Variants in PDE7A observed in about 807,000 individuals in gnomAD.
The protein encoded by PDE7A is high affinity 3',5'-cyclic-AMP phosphodiesterase 7A.
A neutral mutation model predicts 64.3 loss-of-function variants in PDE7A; 39 were observed. The ratio of observed to expected loss-of-function variants is 0.61; its 90% CI spans 0.47 to 0.79. The LOEUF (loss-of-function observed/expected upper bound fraction) is 0.79, where lower values mean the gene tolerates loss of function less well. Among genes scored for constraint, PDE7A ranks in the 30% least tolerant of loss-of-function variants. PDE7A has a pLI of 0.00. For missense variants in PDE7A, 470 were observed against 582.8 expected, an observed-to-expected ratio of 0.81 and a Z score of 1.99; for synonymous variants, 203 against 206.8, an observed-to-expected ratio of 0.98 and a Z score of 0.16.
At chr8:65,828,772 T>C (rs536382483) in intron 1 of PDE7A, among the ~76,000 whole-genome samples, 2 of 152,218 alleles carry the variant, frequency 1.3e-5, no homozygotes, top group South Asian at 2.1e-4. Flanking sequence ...TTCACCAATA[T>C]GAAAGTACTC....
chr8:65,747,833 A>G, intron 3 of PDE7A, 30 bp from the exon 4 acceptor site: 1 of 1,523,932 alleles, frequency 6.6e-7, no homozygotes, highest in Non-Finnish European at 9.0e-7. Context: ...AGGTAAGTAT[A>G]GCAAGTTAAA....
At chr8:65,759,404 C>G (rs1035938225) in intron 3 of PDE7A, among the ~76,000 whole-genome samples, 1 of 152,212 alleles carries the variant, frequency 6.6e-6, no homozygotes, top group African/African-American at 2.4e-5. Flanking sequence ...ACGAGAACAC[C>G]AAGGTCCCCA....
intron 3 of PDE7A, among the ~76,000 whole-genome samples, chr8:65,769,623 C>A (rs1585900653): frequency 1.3e-5 from 2 of 152,024 alleles, no homozygotes; most frequent in South Asian, 4.2e-4. Flanking sequence ...AGACTGGGTG[C>A]GGTAGCTCAT....
intron 3 of PDE7A, among the ~76,000 whole-genome samples, chr8:65,760,218 C>T (rs185174664): frequency 6.6e-6 from 1 of 151,490 alleles, no homozygotes; most frequent in African/African-American, 2.4e-5. Flanking sequence ...CCAGCCTGGG[C>T]AAGAGTGAGA....
At chr8:65,737,184 T>G (rs939389197) in intron 6 of PDE7A, among the ~76,000 whole-genome samples, 1 of 152,088 alleles carries the variant, frequency 6.6e-6, no homozygotes, top group African/African-American at 2.4e-5. Context: ...GCCAAAGCCA[T>G]TCCAGATATG....
intron 7 of PDE7A, among the ~76,000 whole-genome samples, chr8:65,729,976 C>T (rs1419077341): frequency 2.6e-5 from 4 of 151,788 alleles, no homozygotes; most frequent in Non-Finnish European, 5.9e-5. Context: ...TCGCAGGGCT[C>T]CTCAATCCCC....
At chr8:65,730,137 A>T (rs1173909804) in intron 7 of PDE7A, among the ~76,000 whole-genome samples, 1 of 144,654 alleles carries the variant, frequency 6.9e-6, no homozygotes, top group Non-Finnish European at 1.5e-5. Context: ...CCCTATTGTA[A>T]ACTGTGCATG....
At chr8:65,804,057 A>C (rs572775911) in intron 1 of PDE7A, among the ~76,000 whole-genome samples, 1 of 152,326 alleles carries the variant, frequency 6.6e-6, no homozygotes, top group African/African-American at 2.4e-5. Context: ...AGAAAAATCT[A>C]TATGACAAAG....
chr8:65,786,865 A>T (rs1391002794), intron 1 of PDE7A, among the ~76,000 whole-genome samples: 2 of 152,190 alleles, frequency 1.3e-5, no homozygotes, highest in African/African-American at 4.8e-5. Context: ...CTAATCAGAA[A>T]CTGTCAGCAG....
chr8:65,723,726 T>A, intron 11 of PDE7A, 105 bp from the exon 12 acceptor site: 3 of 771,598 alleles, frequency 3.9e-6, no homozygotes, highest in Non-Finnish European at 5.7e-6. Context: ...AAAACATACT[T>A]AATCCTCATG....
At chr8:65,755,197 C>A (rs2128910795) in intron 3 of PDE7A, among the ~76,000 whole-genome samples, 1 of 151,448 alleles carries the variant, frequency 6.6e-6, no homozygotes, top group Non-Finnish European at 1.5e-5. Flanking sequence ...ATTTTTATAT[C>A]TTTAGTAGAG....
chr8:65,794,318 C>T (rs1312363358), intron 1 of PDE7A, among the ~76,000 whole-genome samples: 2 of 151,912 alleles, frequency 1.3e-5, no homozygotes, highest in Non-Finnish European at 2.9e-5. Context: ...ACCACCACAC[C>T]CCACAAGACC....
At chr8:65,772,629 A>G (rs1320136993) in intron 3 of PDE7A, among the ~76,000 whole-genome samples, 3 of 152,250 alleles carry the variant, frequency 2.0e-5, no homozygotes, top group Non-Finnish European at 2.9e-5. Context: ...CTTAAGATTC[A>G]TAACTGGAAA....
At chr8:65,728,363 C>A (rs1277748535) in intron 7 of PDE7A, 2 of 152,098 alleles carry the variant, frequency 1.3e-5, no homozygotes, top group African/African-American at 4.8e-5. Context: ...TCTGCTAGAA[C>A]GAATCAATCA....
Position 65,809,461 on chromosome 8 carries a change from GA to G in PDE7A, c.139-26619del, listed in dbSNP as rs1254742001. Reference sequence around the variant, plus strand: ...CTCAAAAAATCCAAGGATGTCAACAGATTAGCATTACCACAACATGACACTA... The same window carrying G: ...CTCAAAAAATCCAAGGATGTCAACAGTTAGCATTACCACAACATGACACTA... On this transcript the variant is annotated intron_variant, in intron 1 of 12. Transcript: ENST00000401827. Among the ~76,000 whole-genome samples, 5 of 152,094 alleles carry G rather than the reference GA, an allele frequency of 3.3e-5. No individual in the cohort carries two copies. In the East Asian group the frequency reaches 7.7e-4, roughly 23 times the overall value.
intron 3 of PDE7A, among the ~76,000 whole-genome samples, chr8:65,761,791 T>C (rs1240972216): frequency 6.6e-6 from 1 of 152,202 alleles, no homozygotes; most frequent in Non-Finnish European, 1.5e-5. Context: ...CATGTTTTTC[T>C]GTTGCTTTCC....
intron 1 of PDE7A, among the ~76,000 whole-genome samples, chr8:65,802,169 T>A (rs1810004568): frequency 6.6e-6 from 1 of 152,152 alleles, no homozygotes; most frequent in Non-Finnish European, 1.5e-5. Context: ...TGCCAGAGGC[T>A]GGGGAGAGCA....
chr8:65,806,677 G>A (rs1265988760), intron 1 of PDE7A, among the ~76,000 whole-genome samples: 1 of 152,216 alleles, frequency 6.6e-6, no homozygotes, highest in Non-Finnish European at 1.5e-5. Context: ...CCATACACGT[G>A]TTACTGATTC....
chr8:65,808,654 A>T (rs1452668854), intron 1 of PDE7A, among the ~76,000 whole-genome samples: 1 of 152,208 alleles, frequency 6.6e-6, no homozygotes, highest in Non-Finnish European at 1.5e-5. Context: ...ATTTTTAATG[A>T]TGAACATGTA....
Sources: allele counts gnomAD v4.1 joint callset (sites outside exome capture counted in the v4.1 genomes callset), GRCh38; gene constraint gnomAD v4.1.1; transcripts MANE v1.5; gene names NCBI Gene and HGNC (gene_info 2026-07-23, HGNC 2026-07-21).